Variants in ARHGAP26 observed in about 807,000 individuals in gnomAD.
The protein encoded by ARHGAP26 is rho GTPase-activating protein 26.
A neutral mutation model predicts 104.8 loss-of-function variants in ARHGAP26; 38 were observed. The ratio of observed to expected loss-of-function variants is 0.36; its 90% CI spans 0.28 to 0.48. ARHGAP26 has a LOEUF of 0.48. Ranked by LOEUF, ARHGAP26 falls within the 20% of genes least tolerant of loss-of-function variation. ARHGAP26 has a pLI of 0.99. For synonymous variants in ARHGAP26, 341 were observed against 340.0 expected, an observed-to-expected ratio of 1.00 and a Z score of -0.03; for missense variants, 704 against 947.9, an observed-to-expected ratio of 0.74 and a Z score of 3.38.
chr5:142,785,828 GT>G lies in ARHGAP26; in HGVS notation c.154+14917del, dbSNP rs1758467437. 7.2e-5 allele frequency among the ~76,000 whole-genome samples: 11 copies of G among 152,202 alleles called. No homozygotes were observed. In the South Asian group the frequency reaches 2.3e-3, roughly 32 times the overall value. On this transcript the variant is annotated intron_variant, in intron 1 of 22. Coordinates refer to ENST00000645722, the MANE Select transcript of ARHGAP26 (RefSeq NM_001135608.3). The stretch of plus-strand genomic sequence containing the variant: ...AAAGCGTGTTTTCTACCATCTGTAT[GT>G]TTTCTCTTTCTCTCATTTGCTTTCC...
intron 1 of ARHGAP26, among the ~76,000 whole-genome samples, chr5:142,792,148 C>T (rs1031213553): frequency 1.3e-5 from 2 of 152,142 alleles, no homozygotes; most frequent in African/African-American, 4.8e-5. Flanking sequence ...TGTGTTGGAA[C>T]CACATCTCTT....
chr5:142,841,162 G>A (rs1382344904), intron 1 of ARHGAP26, among the ~76,000 whole-genome samples: 1 of 152,136 alleles, frequency 6.6e-6, no homozygotes, highest in African/African-American at 2.4e-5. Context: ...AGCCTCGGGG[G>A]TCTGGGGATA....
chr5:142,787,817 T>C (rs1057384548), intron 1 of ARHGAP26, among the ~76,000 whole-genome samples: 2 of 152,198 alleles, frequency 1.3e-5, no homozygotes, highest in Admixed American at 1.3e-4. Context: ...ATTTTGGTTT[T>C]ATAGTCTTTT....
intron 11 of ARHGAP26, among the ~76,000 whole-genome samples, chr5:143,007,472 T>C (rs1778159924): frequency 6.6e-6 from 1 of 152,220 alleles, no homozygotes; most frequent in South Asian, 2.1e-4. Flanking sequence ...TATTACATAA[T>C]GGTTGCATTG....
chr5:143,183,712 C>T (rs1236682561), intron 20 of ARHGAP26, among the ~76,000 whole-genome samples: 1 of 152,170 alleles, frequency 6.6e-6, no homozygotes, highest in Non-Finnish European at 1.5e-5. Flanking sequence ...TGGGCGAAGG[C>T]GTACCAGGGG....
intron 17 of ARHGAP26, among the ~76,000 whole-genome samples, chr5:143,085,277 G>T (rs1337461331): frequency 2.6e-5 from 4 of 152,070 alleles, no homozygotes; most frequent in African/African-American, 9.7e-5. Flanking sequence ...TCCTCTGGTG[G>T]CAGATAGTAG....
At chr5:142,862,628 C>T (rs939007359) in intron 1 of ARHGAP26, among the ~76,000 whole-genome samples, 1 of 152,192 alleles carries the variant, frequency 6.6e-6, no homozygotes, top group Non-Finnish European at 1.5e-5. Context: ...GTTCTGGGTT[C>T]TGTCTGGGTG....
intron 11 of ARHGAP26, among the ~76,000 whole-genome samples, chr5:142,968,792 C>A (rs1207360976): frequency 6.6e-6 from 1 of 152,178 alleles, no homozygotes; most frequent in Non-Finnish European, 1.5e-5. Context: ...ATCACTGGAG[C>A]TCTTTGATTT....
chr5:142,886,169 C>T (rs569818702), intron 5 of ARHGAP26, among the ~76,000 whole-genome samples: 2 of 152,334 alleles, frequency 1.3e-5, no homozygotes, highest in East Asian at 3.9e-4. Context: ...TTTAACTCAA[C>T]AGTTTGCTTG....
chr5:143,151,364 G>C (rs936949102), intron 20 of ARHGAP26, among the ~76,000 whole-genome samples: 18 of 152,112 alleles, frequency 1.2e-4, no homozygotes, highest in Non-Finnish European at 2.6e-4. Context: ...ACAGTTTGGT[G>C]GTTTTTCACA....
intron 11 of ARHGAP26, among the ~76,000 whole-genome samples, chr5:142,975,115 C>T (rs568421314): frequency 3.6e-4 from 55 of 151,952 alleles, no homozygotes; most frequent in Non-Finnish European, 6.2e-4. Flanking sequence ...ATGGGGTGGT[C>T]GAGGAGGGGA....
chr5:142,938,955 T>G (rs144064733), intron 11 of ARHGAP26, among the ~76,000 whole-genome samples: 164 of 152,312 alleles, frequency 1.1e-3, no homozygotes, highest in African/African-American at 3.7e-3. Context: ...GGAATTAGAT[T>G]AAGAAGGTAA....
chr5:143,120,278 C>G (rs1469924885), intron 17 of ARHGAP26, among the ~76,000 whole-genome samples: 1 of 152,096 alleles, frequency 6.6e-6, no homozygotes, highest in African/African-American at 2.4e-5. Context: ...CAAAAATATG[C>G]CTACGTCTTT....
At chr5:143,108,782 A>G (rs1203886912) in intron 17 of ARHGAP26, among the ~76,000 whole-genome samples, 2 of 152,230 alleles carry the variant, frequency 1.3e-5, no homozygotes, top group South Asian at 4.1e-4. Flanking sequence ...AACATTTCCC[A>G]TGAACCCTTC....
At position 143,226,966 on chromosome 5, in the gene ARHGAP26, G is replaced by A. The variant is rs771228562; in HGVS notation, c.*4520G>A. 42 of 227,478 alleles carry A rather than the reference G, an allele frequency of 1.8e-4. No individual in the cohort carries two copies. The highest frequency in any genetic ancestry group is 8.7e-6 in the Non-Finnish European group (1 of 114,516). 14.1% of individuals were successfully genotyped at this position (227,478 alleles called of 1,614,324 possible). ...CCTGAGTTTCTATCAGCTGAAAATG[G>A]CAACTGCTGTCTCAGTAAAAGCTCT... On this transcript the variant is annotated 3_prime_UTR_variant, in exon 23 of 23. Transcript: ENST00000645722.
At chr5:143,010,320 T>G (rs1194060520) in intron 11 of ARHGAP26, among the ~76,000 whole-genome samples, 3 of 152,220 alleles carry the variant, frequency 2.0e-5, no homozygotes, top group Admixed American at 6.5e-5. Context: ...TCTGTGTCCT[T>G]AGACAAACTG....
chr5:143,197,104 A>G (rs1187388986), intron 20 of ARHGAP26, among the ~76,000 whole-genome samples: 1 of 152,064 alleles, frequency 6.6e-6, no homozygotes, highest in East Asian at 1.9e-4. Context: ...CACAAAAATT[A>G]TTTTTTTATT....
chr5:142,800,008 C>T (rs553301601), intron 1 of ARHGAP26, among the ~76,000 whole-genome samples: 3 of 152,298 alleles, frequency 2.0e-5, no homozygotes, highest in African/African-American at 4.8e-5. Context: ...CAGTGTTAAA[C>T]GAACACTTTT....
chr5:143,090,931 T>C (rs1791332150), intron 17 of ARHGAP26, among the ~76,000 whole-genome samples: 1 of 152,158 alleles, frequency 6.6e-6, no homozygotes. Context: ...AGAGGTACTT[T>C]TCTGAAGTAG....
Sources: gnomAD v4.1 joint callset for allele counts (sites outside exome capture counted in the v4.1 genomes callset) on GRCh38, gnomAD v4.1.1 for gene constraint, MANE v1.5 for transcripts, NCBI Gene and HGNC (gene_info 2026-07-23, HGNC 2026-07-21) for gene names.